HTT: variants seen among roughly 807,000 people sequenced by gnomAD.
HTT encodes the protein huntington disease protein.
In HTT, 104 loss-of-function variants were observed where a neutral mutation model predicts 362.3. The ratio of observed to expected loss-of-function variants is 0.29; its 90% CI spans 0.24 to 0.34. The LOEUF (loss-of-function observed/expected upper bound fraction) is 0.34, where lower values mean the gene tolerates loss of function less well. HTT is among the 10% of genes least tolerant of loss of function. The pLI, the probability that HTT is intolerant of heterozygous loss-of-function variation, is 1.00. For synonymous variants in HTT, 1,577 were observed against 1,548.7 expected, an observed-to-expected ratio of 1.02 and a Z score of -0.43; for missense variants, 3,301 against 3,928.6, an observed-to-expected ratio of 0.84 and a Z score of 4.27.
intron 60 of HTT, among the ~76,000 whole-genome samples, chr4:3,232,168 A>C (rs543918965): frequency 3.1e-4 from 47 of 152,176 alleles, no homozygotes; most frequent in Non-Finnish European, 5.4e-4. Context: ...AGGGGATAGC[A>C]CAGGGTGAGG....
At chr4:3,186,768 G>A (rs1215373726) in intron 38 of HTT, 49 bp downstream of exon 38, 3 of 1,597,156 alleles carry the variant, frequency 1.9e-6, no homozygotes, top group East Asian at 2.3e-5. Context: ...GCTTGTTCAG[G>A]CTCTGATTAC....
intron 39 of HTT, chr4:3,188,680 C>T (rs1283779766): frequency 3.7e-6 from 1 of 273,060 alleles, no homozygotes; most frequent in African/African-American, 2.2e-5. Flanking sequence ...ATTCCTGTGA[C>T]AGATGATCAG....
chr4:3,151,796 C>G (rs1716905207), intron 26 of HTT, among the ~76,000 whole-genome samples: 1 of 152,212 alleles, frequency 6.6e-6, no homozygotes, highest in South Asian at 2.1e-4. Flanking sequence ...ATGCATGCAC[C>G]TGTACATGGA....
At chr4:3,084,155 A>G (rs1290711749) in intron 1 of HTT, among the ~76,000 whole-genome samples, 1 of 151,196 alleles carries the variant, frequency 6.6e-6, no homozygotes, top group African/African-American at 2.4e-5. Context: ...ATGTGGTTAT[A>G]AAAGGACAAC....
chr4:3,161,411 A>G (rs531940303), intron 29 of HTT, among the ~76,000 whole-genome samples: 1 of 152,272 alleles, frequency 6.6e-6, no homozygotes, highest in Non-Finnish European at 1.5e-5. Context: ...TCGTAGAATG[A>G]TTTATAATCC....
At chr4:3,115,960 G>T (rs534637486) in intron 7 of HTT, 125 bp from the exon 8 acceptor site, 5 of 869,368 alleles carry the variant, frequency 5.8e-6, no homozygotes, top group Non-Finnish European at 9.3e-6. Context: ...GCCTCATGGC[G>T]TACTCGTTCA....
chr4:3,196,447 C>A (rs1719260931), intron 40 of HTT, among the ~76,000 whole-genome samples: 1 of 152,160 alleles, frequency 6.6e-6, no homozygotes, highest in Admixed American at 6.5e-5. Flanking sequence ...TTAAAAATAT[C>A]CATTGCAGGC....
chr4:3,139,478 G>T (rs191351354), intron 21 of HTT, among the ~76,000 whole-genome samples: 2 of 152,192 alleles, frequency 1.3e-5, no homozygotes, highest in East Asian at 3.9e-4. Flanking sequence ...GATTACAGGC[G>T]TGAGCCACCG....
At chr4:3,235,806 C>A (rs887141886) in intron 63 of HTT, 28 bp downstream of exon 63, 7 of 1,549,100 alleles carry the variant, frequency 4.5e-6, no homozygotes, top group Admixed American at 1.7e-5. Context: ...GCCCATAAGG[C>A]CAGCCCAAGT....
chr4:3,139,035 A>G (rs1277078857), intron 21 of HTT, among the ~76,000 whole-genome samples: 1 of 152,232 alleles, frequency 6.6e-6, no homozygotes, highest in African/African-American at 2.4e-5. Flanking sequence ...AAGAAAACCA[A>G]AGTTACATTT....
intron 61 of HTT, 34 bp from the exon 62 acceptor site, chr4:3,235,250 G>T: frequency 7.0e-7 from 1 of 1,424,190 alleles, no homozygotes; most frequent in African/African-American, 1.4e-5. Flanking sequence ...TTGGATGGGG[G>T]TGGCTGAGCC....
At chr4:3,214,955 GT>G (rs1409254755) in intron 50 of HTT, among the ~76,000 whole-genome samples, 154 bp from the exon 51 acceptor site, 2 of 152,192 alleles carry the variant, frequency 1.3e-5, no homozygotes, top group African/African-American at 4.8e-5. Flanking sequence ...CCTCAGTCTA[GT>G]ATTGTCTGTT....
In HTT at chr4:3,238,927, G is replaced by A. The variant is rs1440552548; in HGVS notation, c.9164G>A (p.Ser3055Asn). 3.7e-6 allele frequency: 6 copies of A among 1,610,678 alleles called. No homozygotes were observed. Among genetic ancestry groups the A allele is most frequent in the African/African-American group, 1.3e-5 (1 of 74,906 alleles). Reference sequence around the variant, plus strand: ...GCCCCGGTCGCCATGGCCACGTGGAGCCTCTCCTGCTTCTTTGTCAGCGCG... The same window carrying A: ...GCCCCGGTCGCCATGGCCACGTGGAACCTCTCCTGCTTCTTTGTCAGCGCG... Reference protein sequence around the residue: ...QRAPVAMATWSLSCFFVSAST... With the variant: ...QRAPVAMATWNLSCFFVSAST... Residue 3055 changes from serine to asparagine, a missense_variant, in exon 66 of 67, where the codon AGC (serine) becomes AAC (asparagine). Transcript: ENST00000355072.
chr4:3,223,262 C>T (rs1044227266), intron 54 of HTT, 144 bp from the exon 55 acceptor site: 22 of 723,692 alleles, frequency 3.0e-5, no homozygotes, highest in East Asian at 2.1e-4. Flanking sequence ...CCTTGTGCCC[C>T]GTGAGCTCAG....
At chr4:3,128,410 G>A (rs886905628) in intron 12 of HTT, 6 of 152,092 alleles carry the variant, frequency 3.9e-5, no homozygotes, top group Non-Finnish European at 8.8e-5. Flanking sequence ...GTTGAACACT[G>A]AGGTAAAAAA....
chr4:3,208,466 A>G (rs1719975416), intron 45 of HTT, among the ~76,000 whole-genome samples: 1 of 152,266 alleles, frequency 6.6e-6, no homozygotes, highest in African/African-American at 2.4e-5. Flanking sequence ...ATTAGCTTTT[A>G]TACTGTGTAT....
At chr4:3,167,192 C>T (rs1383325833) in intron 29 of HTT, among the ~76,000 whole-genome samples, 2 of 152,228 alleles carry the variant, frequency 1.3e-5, no homozygotes, top group East Asian at 1.9e-4. Flanking sequence ...CTACCTCAGC[C>T]TCCGGAGTAG....
chr4:3,127,388 A>G lies in HTT; in HGVS notation c.1527A>G (p.Ser509=). ...CACAGCACACACTGCAGGCGGACTC[A>G]GTGGATCTGGCCAGCTGTGACTTGA... ...PRSQHTLQAD[S]VDLASCDLTS... Residue 509 remains serine, a synonymous_variant, in exon 12 of 67, where the codon TCA becomes TCG. Coordinates refer to ENST00000355072, the MANE Select transcript of HTT (RefSeq NM_001388492.1). The G allele has an allele frequency of 1.2e-6, 2 of 1,614,142 alleles. No individual in the cohort carries two copies. Among genetic ancestry groups the G allele is most frequent in the Non-Finnish European group, 1.7e-6 (2 of 1,179,974 alleles).
At chr4:3,079,508 A>G (rs891654843) in intron 1 of HTT, among the ~76,000 whole-genome samples, 10 of 152,142 alleles carry the variant, frequency 6.6e-5, no homozygotes. Flanking sequence ...GATGGGGGGA[A>G]CAGGTCCAAA....
Sources: allele counts gnomAD v4.1 joint callset (sites outside exome capture counted in the v4.1 genomes callset), GRCh38; gene constraint gnomAD v4.1.1; transcripts MANE v1.5; gene names NCBI Gene and HGNC (gene_info 2026-07-23, HGNC 2026-07-21).